VWA3B: variants seen among roughly 807,000 people sequenced by gnomAD.
VWA3B encodes von Willebrand factor A domain containing 3B, also known as von Willebrand factor A domain-containing protein 3B.
In VWA3B, 138 loss-of-function variants were observed where a neutral mutation model predicts 158.3. The ratio of observed to expected loss-of-function variants is 0.87; its 90% CI spans 0.76 to 1.00. The LOEUF is 1.00. Among genes scored for constraint, VWA3B ranks in the 50% least tolerant of loss-of-function variants. VWA3B has a pLI of 0.00. For synonymous variants in VWA3B, 596 were observed against 587.3 expected (o/e 1.01, Z -0.21); for missense variants, 1,555 against 1,565.1 (o/e 0.99, Z 0.11).
rs1026998631 is a variant in VWA3B, at chr2:98,264,848, G to C, written c.2844-5834G>C. ...TACTGGGTTGCTGTCTATTTCTTCA[G>C]TTCTGTCAAAGCTTGTTTTATGTAT... is the stretch of plus-strand genomic sequence containing the variant. On this transcript the variant is annotated intron_variant, in intron 21 of 27. Coordinates refer to ENST00000477737, the MANE Select transcript of VWA3B (RefSeq NM_144992.5). Among the ~76,000 whole-genome samples the C allele has an allele frequency of 1.2e-4, 18 of 152,146 alleles. 1 individual carries two copies. The highest frequency in any genetic ancestry group is 4.3e-4 in the African/African-American group (18 of 41,480).
the VWA3B span, among the ~76,000 whole-genome samples, chr2:98,327,352 A>G: frequency 6.6e-6 from 1 of 152,262 alleles, no homozygotes; most frequent in Non-Finnish European, 1.5e-5. Flanking sequence ...AATAAGGGAG[A>G]AGGTAACATT....
intron 2 of VWA3B, among the ~76,000 whole-genome samples, chr2:98,107,698 C>T (rs1673782324): frequency 6.6e-6 from 1 of 151,994 alleles, no homozygotes; most frequent in African/African-American, 2.4e-5. Context: ...ATGTCTGCCG[C>T]ATCTTTTGTG....
rs1486230034 is a variant in VWA3B, at chr2:98,121,317, G to A, written c.561G>A (p.Val187=). The A allele has an allele frequency of 1.2e-6, 2 of 1,613,872 alleles. No homozygotes were observed. Among genetic ancestry groups the A allele is most frequent in the East Asian group, 4.5e-5 (2 of 44,880 alleles). ...FNIIRVSQEP[V]KWQENATPVT... ...TTTTCAGGGTTTCTCAAGAGCCTGTGAAGTGGCAGGAAAATGCTACTCCTG... is the reference window on the plus strand; with the variant it reads ...TTTTCAGGGTTTCTCAAGAGCCTGTAAAGTGGCAGGAAAATGCTACTCCTG... The change falls in exon 5 of 28, where the codon GTG becomes GTA. Residue 187 remains valine (V), a synonymous_variant. Transcript: ENST00000477737.
Position 98,312,403 on chromosome 2 carries a change from G to T in VWA3B, c.*54G>T. 2 of 1,554,374 alleles carry T rather than the reference G, an allele frequency of 1.3e-6. No homozygotes were observed. The highest frequency in any genetic ancestry group is 3.7e-5 in the Admixed American group (2 of 54,262). On this transcript the variant is annotated 3_prime_UTR_variant, in exon 28 of 28. Transcript: ENST00000477737. ...GACCAGCGTCCTTCCAGGCTGTTCA[G>T]ACCTCAGCGTTGACACTGAAACTGG...
chr2:98,115,630 G>A (rs1033889180), intron 2 of VWA3B, 22 bp from the exon 3 acceptor site: 13 of 1,601,228 alleles, frequency 8.1e-6, no homozygotes, highest in Non-Finnish European at 1.1e-5. Context: ...TGTTTTGATT[G>A]TTTTTCTTTA....
chr2:98,282,070 G>A (rs1299899594), intron 22 of VWA3B, among the ~76,000 whole-genome samples: 3 of 152,180 alleles, frequency 2.0e-5, no homozygotes, highest in Non-Finnish European at 2.9e-5. Context: ...GTTCTTTGAC[G>A]TTAACTGTAC....
chr2:98,147,821 G>A (rs1203289326), intron 7 of VWA3B, among the ~76,000 whole-genome samples: 2 of 151,708 alleles, frequency 1.3e-5, no homozygotes. Context: ...ATTTACATTA[G>A]GTATATCTCC....
intron 8 of VWA3B, chr2:98,179,127 C>T (rs1184573099): frequency 4.3e-5 from 19 of 446,440 alleles, no homozygotes; most frequent in Middle Eastern, 4.9e-4. Flanking sequence ...AAGCGGCCAT[C>T]GCCCAGCATG....
rs146589381 is a variant in VWA3B at position 98,116,560 on chromosome 2, G to T, written c.291+814G>T. ...CTTGTTCTATCACCCAGTCTGGAGT[G>T]CAGTGGTGTGTTCATGGCTCACTGC... On this transcript the variant is annotated intron_variant, in intron 3 of 27. Transcript: ENST00000477737. Among the ~76,000 whole-genome samples the T allele has an allele frequency of 5.2e-3, 793 of 152,214 alleles. 12 individuals carry two copies. Among genetic ancestry groups the T allele is most frequent in the African/African-American group, 0.019 (769 of 41,524 alleles).
chr2:98,246,633 C>T (rs569377235), intron 19 of VWA3B, among the ~76,000 whole-genome samples: 10 of 152,126 alleles, frequency 6.6e-5, no homozygotes, highest in African/African-American at 1.4e-4. Context: ...CTGCCCGCCT[C>T]GGCCTCCCAG....
At chr2:98,226,903 A>G (rs752150813) in intron 14 of VWA3B, among the ~76,000 whole-genome samples, 7 of 152,220 alleles carry the variant, frequency 4.6e-5, no homozygotes, top group Non-Finnish European at 1.0e-4. Context: ...TCTTAAAATA[A>G]TAAGAGCCAT....
intron 6 of VWA3B, among the ~76,000 whole-genome samples, chr2:98,129,514 AG>A (rs1203209479): frequency 4.6e-5 from 7 of 152,148 alleles, no homozygotes; most frequent in Non-Finnish European, 8.8e-5. Context: ...ATTGGGAATT[AG>A]GGCTTCAACA....
chr2:98,121,497 T>G (rs1573820998), intron 5 of VWA3B, 39 bp downstream of exon 5: 1 of 1,600,072 alleles, frequency 6.2e-7, no homozygotes, highest in Non-Finnish European at 8.5e-7. Context: ...GCCATGGAGG[T>G]GGCTTCCAGC....
intron 12 of VWA3B, among the ~76,000 whole-genome samples, chr2:98,200,858 A>G (rs1327648910): frequency 6.6e-6 from 1 of 152,214 alleles, no homozygotes; most frequent in Non-Finnish European, 1.5e-5. Context: ...ATAAGGTGTG[A>G]GGCAGGATCC....
intron 7 of VWA3B, among the ~76,000 whole-genome samples, chr2:98,138,584 A>G (rs1353634789): frequency 1.3e-5 from 2 of 152,200 alleles, no homozygotes; most frequent in Non-Finnish European, 2.9e-5. Context: ...CGCGGATCTC[A>G]TAATATTCAT....
chr2:98,152,198 C>A (rs1677693024), intron 7 of VWA3B, among the ~76,000 whole-genome samples: 1 of 152,222 alleles, frequency 6.6e-6, no homozygotes, highest in Non-Finnish European at 1.5e-5. Flanking sequence ...TAGGGTTATG[C>A]CATGGGGCCT....
At chr2:98,242,943 A>C (rs972697805) in intron 19 of VWA3B, among the ~76,000 whole-genome samples, 5 of 151,856 alleles carry the variant, frequency 3.3e-5, no homozygotes, top group African/African-American at 1.2e-4. Context: ...TTTAATTAAA[A>C]ATTTAAAACA....
At chr2:98,166,824 A>ACACACACACACT (rs753657308) in intron 8 of VWA3B, among the ~76,000 whole-genome samples, 7 of 150,948 alleles carry the variant, frequency 4.6e-5, no homozygotes, top group Admixed American at 1.3e-4. Context: ...ACACACACAC[A>ACACACACACACT]CTCAAACTAA....
Position 98,218,134 on chromosome 2 carries a change from A to C in VWA3B, c.2019+106A>C, listed in dbSNP as rs1684190888. The C allele has an allele frequency of 3.2e-6, 4 of 1,256,954 alleles. No homozygotes were observed. The Admixed American group carries it at 1.1e-4, about 35-fold the overall frequency. The allele number at this position is 1,256,954 out of a possible 1,614,324, so 77.9% of individuals were successfully genotyped here. On this transcript the variant is annotated intron_variant, in intron 14 of 27. Coordinates refer to ENST00000477737, the MANE Select transcript of VWA3B (RefSeq NM_144992.5). Reference sequence around the variant, plus strand: ...TGGGAAAATAGCAACCATAGAGATAACTAAGTCAAAAAAATGAGTCGCTTA... The same window carrying C: ...TGGGAAAATAGCAACCATAGAGATACCTAAGTCAAAAAAATGAGTCGCTTA...
Sources: gnomAD v4.1 joint callset for allele counts (sites outside exome capture counted in the v4.1 genomes callset) on GRCh38, gnomAD v4.1.1 for gene constraint, MANE v1.5 for transcripts, NCBI Gene and HGNC (gene_info 2026-07-23, HGNC 2026-07-21) for gene names.